The following SNCB variants were observed in gnomAD, a reference collection of about 807,000 sequenced individuals.
SNCB encodes beta-synuclein.
In SNCB, 8 loss-of-function variants were observed where a neutral mutation model predicts 20.0. That is an observed-to-expected ratio of 0.40 (90% CI 0.24 to 0.72). The LOEUF is 0.72. Ranked by LOEUF, SNCB falls within the 30% of genes least tolerant of loss-of-function variation. The pLI, the probability that SNCB is intolerant of heterozygous loss-of-function variation, is 0.37. For synonymous variants in SNCB, 56 were observed against 65.4 expected, an observed-to-expected ratio of 0.86 and a Z score of 0.69; for missense variants, 125 against 168.0, an observed-to-expected ratio of 0.74 and a Z score of 1.41.
rs1037032021 is a variant in SNCB at position 176,621,355 on chromosome 5, A to C, written c.283-52T>G. 84 of 1,469,210 alleles carry C rather than the reference A, an allele frequency of 5.7e-5. No individual in the cohort carries two copies. Among genetic ancestry groups the C allele is most frequent in the Non-Finnish European group, 7.7e-5 (82 of 1,059,396 alleles). 91.0% of individuals were successfully genotyped at this position (1,469,210 alleles called of 1,614,324 possible). ...TGAGGACAGCCAGGATGCCCCCCAA[A>C]TTCCCACAGTGGTAAGCTTTGGGTG... On this transcript the variant is annotated intron_variant, in intron 4 of 5. Coordinates refer to ENST00000393693, the MANE Select transcript of SNCB (RefSeq NM_003085.5). The surrounding 1 kb of genome is among the most constrained non-coding windows in gnomAD (Gnocchi z 4.1).
chr5:176,623,340 T>C (rs531767216), intron 4 of SNCB, among the ~76,000 whole-genome samples: 64 of 152,108 alleles, frequency 4.2e-4, no homozygotes, highest in African/African-American at 1.4e-3. Flanking sequence ...TGAGCTGAGA[T>C]TGTGGCACTG....
At position 176,621,103 on chromosome 5, in the gene SNCB, G is replaced by A. The variant is rs1759562583; in HGVS notation, c.372+111C>T. Reference sequence around the variant, plus strand: ...GGGGCCTGGGTTCTAGAAGAGGGATGTCAAGCTCCCTGGCCCAACCATCTC... The same window carrying A: ...GGGGCCTGGGTTCTAGAAGAGGGATATCAAGCTCCCTGGCCCAACCATCTC... On this transcript the variant is annotated intron_variant, in intron 5 of 5. Transcript: ENST00000393693. The surrounding 1 kb of genome is among the most constrained non-coding windows in gnomAD (Gnocchi z 4.1). 2.2e-6 allele frequency: 2 copies of A among 926,658 alleles called. No individual in the cohort carries two copies. Among genetic ancestry groups the A allele is most frequent in the African/African-American group, 3.3e-5 (2 of 61,110 alleles). 57.4% of individuals were successfully genotyped at this position (926,658 alleles called of 1,614,324 possible).
rs1581166459 is a variant in SNCB at position 176,621,861 on chromosome 5, A to G, written c.283-558T>C. On this transcript the variant is annotated intron_variant, in intron 4 of 5. Transcript: ENST00000393693. The surrounding 1 kb of genome is among the most constrained non-coding windows in gnomAD (Gnocchi z 4.1). ...TGTGTGAGCTAAGACTCTCCCCCCC[A>G]CCCGCTGCGTCTGCTGCCCAGACAG... Among the ~76,000 whole-genome samples, 1 of 151,524 alleles carries G rather than the reference A, an allele frequency of 6.6e-6. No individual in the cohort carries two copies. Among genetic ancestry groups the G allele is most frequent in the South Asian group, 2.1e-4 (1 of 4,794 alleles).
chr5:176,627,645 A>T (rs938659478), intron 2 of SNCB, among the ~76,000 whole-genome samples: 1 of 146,866 alleles, frequency 6.8e-6, no homozygotes, highest in Admixed American at 6.9e-5. Flanking sequence ...GTGTCTAGGC[A>T]GACTGAGCCC....
At position 176,629,339 on chromosome 5, in the gene SNCB, C is replaced by A; in HGVS notation, c.121+195G>T. On this transcript the variant is annotated intron_variant, in intron 2 of 5. Coordinates refer to ENST00000393693, the MANE Select transcript of SNCB (RefSeq NM_003085.5). This position sits in a 1 kb window ranked among gnomAD's most constrained non-coding sequence, Gnocchi z 4.1. ...GGAGCCCCCCACCTCATCAGCCCGC[C>A]CCGTGTCCCCATTTCCGGATACAGA... 1 of 622,908 alleles carries A rather than the reference C, an allele frequency of 1.6e-6. No homozygotes were observed. Among genetic ancestry groups the A allele is most frequent in the South Asian group, 2.0e-5 (1 of 50,014 alleles). 38.6% of individuals were successfully genotyped at this position (622,908 alleles called of 1,614,324 possible).
Position 176,626,556 on chromosome 5 carries a change from AG to A in SNCB, c.164-41del. 2 of 1,552,888 alleles carry A rather than the reference AG, an allele frequency of 1.3e-6. No homozygotes were observed. The highest frequency in any genetic ancestry group is 1.8e-6 in the Non-Finnish European group (2 of 1,124,218). Reference sequence around the variant, plus strand: ...GGGTTGAGGAAGGGGTTTGGGAGCCAGGGGGAAACACCGATGCCCTGCCTTG... The same window carrying A: ...GGGTTGAGGAAGGGGTTTGGGAGCCAGGGGAAACACCGATGCCCTGCCTTG... On this transcript the variant is annotated intron_variant, in intron 3 of 5. Transcript: ENST00000393693. The surrounding 1 kb of genome is among the most constrained non-coding windows in gnomAD (Gnocchi z 4.2).
chr5:176,620,503 GGATCTTC>G lies in SNCB; in HGVS notation c.*301_*307del. ...GGGGATCGGGGAGGAGCCGTCGCTCGGATCTTCGTTTAAAAACACATAGAACATGCTA... is the reference window on the plus strand; with the variant it reads ...GGGGATCGGGGAGGAGCCGTCGCTCGGTTTAAAAACACATAGAACATGCTA... On this transcript the variant is annotated 3_prime_UTR_variant, in exon 6 of 6. Coordinates refer to ENST00000393693, the MANE Select transcript of SNCB (RefSeq NM_003085.5). This position sits in a 1 kb window ranked among gnomAD's most constrained non-coding sequence, Gnocchi z 4.5. The G allele has an allele frequency of 2.4e-6, 1 of 411,088 alleles. No individual in the cohort carries two copies. The highest frequency in any genetic ancestry group is 4.4e-6 in the Non-Finnish European group (1 of 228,974). 25.5% of individuals were successfully genotyped at this position (411,088 alleles called of 1,614,324 possible).
At chr5:176,622,539 ATTGT>A (rs920061313) in intron 4 of SNCB, among the ~76,000 whole-genome samples, 1 of 147,524 alleles carries the variant, frequency 6.8e-6, no homozygotes, top group African/African-American at 2.5e-5. Context: ...GCTTGAGCAC[ATTGT>A]TTGGAAACAA....
intron 2 of SNCB, among the ~76,000 whole-genome samples, chr5:176,627,359 TCTC>T (rs1760027655): frequency 6.6e-6 from 1 of 152,144 alleles, no homozygotes; most frequent in Non-Finnish European, 1.5e-5. Context: ...AAGATTCTCT[TCTC>T]CTAGCGAGGG....
In SNCB at chr5:176,626,680, CTAAG is replaced by C. The variant is rs1438481607; in HGVS notation, c.163+36_163+39del. The stretch of plus-strand genomic sequence containing the variant: ...TCTGGTTCCCGGCCAGATCATCCGC[CTAAG>C]TGAGAGAAGGGCTGGTGCCAGGGCT... On this transcript the variant is annotated intron_variant, in intron 3 of 5. Transcript: ENST00000393693. The surrounding 1 kb of genome is among the most constrained non-coding windows in gnomAD (Gnocchi z 4.2). 1 of 1,611,594 alleles carries C rather than the reference CTAAG, an allele frequency of 6.2e-7. No individual in the cohort carries two copies. Among genetic ancestry groups the C allele is most frequent in the East Asian group, 2.2e-5 (1 of 44,870 alleles).
intron 1 of SNCB, 24 bp downstream of exon 1, chr5:176,630,256 A>T (rs1760298008): frequency 6.6e-6 from 1 of 152,038 alleles, no homozygotes; most frequent in Admixed American, 6.5e-5. Flanking sequence ...CCCGTTCCCC[A>T]TCCCCGGCGC....
chr5:176,626,842 T>C lies in SNCB; in HGVS notation c.122-81A>G. 2.0e-6 allele frequency: 3 copies of C among 1,478,304 alleles called. No homozygotes were observed. The highest frequency in any genetic ancestry group is 1.7e-5 in the Admixed American group (1 of 59,814). 91.6% of individuals were successfully genotyped at this position (1,478,304 alleles called of 1,614,324 possible). On this transcript the variant is annotated intron_variant, in intron 2 of 5. Transcript: ENST00000393693. This position sits in a 1 kb window ranked among gnomAD's most constrained non-coding sequence, Gnocchi z 4.2. ...CCAGCACAGCATGGTGATTACAGAG[T>C]GGGCATCCTGGCCCCGTCACTGCCT...
rs1193104498 is a variant in SNCB, at chr5:176,626,010, TA to T, written c.282+387del. Among the ~76,000 whole-genome samples, 3 of 152,182 alleles carry T rather than the reference TA, an allele frequency of 2.0e-5. No homozygotes were observed. Among genetic ancestry groups the T allele is most frequent in the Non-Finnish European group, 4.4e-5 (3 of 68,030 alleles). On this transcript the variant is annotated intron_variant, in intron 4 of 5. Coordinates refer to ENST00000393693, the MANE Select transcript of SNCB (RefSeq NM_003085.5). This position sits in a 1 kb window ranked among gnomAD's most constrained non-coding sequence, Gnocchi z 4.2. ...CACTACAATGTCAGCTGCAGGAACG[TA>T]GGAACCTATTCACTGCGGCAGCCTC...
At chr5:176,627,661 G>T (rs866614305) in intron 2 of SNCB, among the ~76,000 whole-genome samples, 4 of 152,202 alleles carry the variant, frequency 2.6e-5, no homozygotes, top group African/African-American at 7.2e-5. Context: ...AGCCCGGCGG[G>T]GGGGTGGGGG....
chr5:176,627,343 C>G lies in SNCB; in HGVS notation c.122-582G>C, dbSNP rs372608733. 4.7e-4 allele frequency among the ~76,000 whole-genome samples: 72 copies of G among 152,364 alleles called. No individual in the cohort carries two copies. In the South Asian group the frequency reaches 5.0e-3, roughly 11 times the overall value. On this transcript the variant is annotated intron_variant, in intron 2 of 5. Coordinates refer to ENST00000393693, the MANE Select transcript of SNCB (RefSeq NM_003085.5). ...CATAGCCCACTGCCCCACTCCATTT[C>G]CTCTAAAGATTCTCTTCTCCTAGCG...
chr5:176,620,913 A>C lies in SNCB; in HGVS notation c.373-70T>G. 2.2e-6 allele frequency: 3 copies of C among 1,382,842 alleles called. No individual in the cohort carries two copies. The South Asian group carries it at 3.5e-5, about 16-fold the overall frequency. The allele number at this position is 1,382,842 out of a possible 1,614,324, so 85.7% of individuals were successfully genotyped here. A position where few individuals can be genotyped will look rare whatever the true frequency, so the allele number is the denominator to read the frequency against. On this transcript the variant is annotated intron_variant, in intron 5 of 5. Transcript: ENST00000393693. The surrounding 1 kb of genome is among the most constrained non-coding windows in gnomAD (Gnocchi z 4.5). ...GGAGGAGTTTGAGACCAAGTGGCCA[A>C]GCCCCGGCCCAAGAACCCTCTCCCT...
chr5:176,627,457 G>A (rs973859534), intron 2 of SNCB, among the ~76,000 whole-genome samples: 4 of 152,264 alleles, frequency 2.6e-5, no homozygotes, highest in South Asian at 2.1e-4. Flanking sequence ...ACTGGCACCC[G>A]TGGCATTGGC....
chr5:176,629,868 G>T lies in SNCB; in HGVS notation c.-9-205C>A. 2 of 611,640 alleles carry T rather than the reference G, an allele frequency of 3.3e-6. No individual in the cohort carries two copies. The highest frequency in any genetic ancestry group is 7.3e-5 in the Admixed American group (2 of 27,576). The allele number at this position is 611,640 out of a possible 1,614,324, so 37.9% of individuals were successfully genotyped here. ...GAGTCCTAGCGTCCTTGAAACCTGG[G>T]GACGCGGGAGGGGCCACTGCCTCGG... On this transcript the variant is annotated intron_variant, in intron 1 of 5. Transcript: ENST00000393693. The surrounding 1 kb of genome is among the most constrained non-coding windows in gnomAD (Gnocchi z 4.1).
At chr5:176,623,763 G>C (rs942698202) in intron 4 of SNCB, among the ~76,000 whole-genome samples, 3 of 152,046 alleles carry the variant, frequency 2.0e-5, no homozygotes, top group African/African-American at 7.2e-5. Flanking sequence ...CCAGATACTT[G>C]GAGGGCTGAG....
Sources: gnomAD v4.1 joint callset for allele counts (sites outside exome capture counted in the v4.1 genomes callset) on GRCh38, gnomAD v4.1.1 for gene constraint, Gnocchi (gnomAD v3.1) non-coding constraint, MANE v1.5 for transcripts, NCBI Gene and HGNC (gene_info 2026-07-23, HGNC 2026-07-21) for gene names.